MBTPS1: variants seen among roughly 807,000 people sequenced by gnomAD.
MBTPS1 encodes membrane bound transcription factor peptidase, site 1.
In MBTPS1, 94 loss-of-function variants were observed where a neutral mutation model predicts 127.8. The ratio of observed to expected loss-of-function variants is 0.74; its 90% CI spans 0.62 to 0.87. The LOEUF is 0.87. Ranked by LOEUF, MBTPS1 falls within the 40% of genes least tolerant of loss-of-function variation. MBTPS1 has a pLI of 0.00. For synonymous variants in MBTPS1, 632 were observed against 509.4 expected, an observed-to-expected ratio of 1.24 and a Z score of -3.24; for missense variants, 1,636 against 1,353.2, an observed-to-expected ratio of 1.21 and a Z score of -3.28.
At chr16:84,113,529 C>G (rs991665473) in intron 1 of MBTPS1, among the ~76,000 whole-genome samples, 4 of 152,190 alleles carry the variant, frequency 2.6e-5, no homozygotes, top group African/African-American at 7.2e-5. Context: ...GTATTACTTG[C>G]GCAAGCAACT....
At chr16:84,097,872 T>TGTGTGTGTGTGTG (rs1486515850) in intron 3 of MBTPS1, among the ~76,000 whole-genome samples, 9 of 92,324 alleles carry the variant, frequency 9.7e-5, no homozygotes, top group African/African-American at 3.0e-4. Flanking sequence ...GTGTGTGTGT[T>TGTGTGTGTGTGTG]TGTGTGTGTG....
At chr16:84,107,552 T>A (rs13333508) in intron 1 of MBTPS1, among the ~76,000 whole-genome samples, 1 of 152,132 alleles carries the variant, frequency 6.6e-6, no homozygotes, top group Non-Finnish European at 1.5e-5. Context: ...GAGGTTTCTA[T>A]AGTTTCCCAA....
chr16:84,095,863 C>G, intron 3 of MBTPS1, 58 bp from the exon 4 acceptor site: 2 of 1,434,274 alleles, frequency 1.4e-6, no homozygotes. Context: ...ACACGATACC[C>G]GCCAGGCAAA....
chr16:84,093,063 G>A, intron 6 of MBTPS1, 125 bp downstream of exon 6: 1 of 706,534 alleles, frequency 1.4e-6, no homozygotes, highest in South Asian at 1.7e-5. Flanking sequence ...CATGCGTGCT[G>A]CAGTATGAAT....
intron 8 of MBTPS1, among the ~76,000 whole-genome samples, chr16:84,090,487 G>A (rs557771200): frequency 5.9e-5 from 9 of 152,136 alleles, no homozygotes; most frequent in Non-Finnish European, 1.3e-4. Flanking sequence ...AACCTCTTCC[G>A]TTTGCCTCTT....
At chr16:84,095,181 G>A (rs536764264) in intron 4 of MBTPS1, among the ~76,000 whole-genome samples, 4 of 152,284 alleles carry the variant, frequency 2.6e-5, no homozygotes, top group South Asian at 4.1e-4. Context: ...ACTAATTTCC[G>A]TGGAATTGCC....
At chr16:84,107,537 A>T (rs1485013215) in intron 1 of MBTPS1, among the ~76,000 whole-genome samples, 1 of 152,218 alleles carries the variant, frequency 6.6e-6, no homozygotes, top group Admixed American at 6.5e-5. Flanking sequence ...ATGGCAACAG[A>T]TCCTGAGGTT....
At chr16:84,077,160 G>C (rs1188546403) in intron 11 of MBTPS1, among the ~76,000 whole-genome samples, 1 of 150,724 alleles carries the variant, frequency 6.6e-6, no homozygotes, top group Admixed American at 6.6e-5. Context: ...AGATGGCAGA[G>C]GTTACAGTGA....
At chr16:84,108,366 C>T (rs775219816) in intron 1 of MBTPS1, among the ~76,000 whole-genome samples, 11 of 152,124 alleles carry the variant, frequency 7.2e-5, no homozygotes, top group Admixed American at 1.3e-4. Context: ...CCAGCTGAAG[C>T]GATTCTCCTG....
chr16:84,064,432 T>C (rs947470373), intron 18 of MBTPS1, among the ~76,000 whole-genome samples: 3 of 152,170 alleles, frequency 2.0e-5, no homozygotes, highest in Non-Finnish European at 4.4e-5. Context: ...TAACCCAAAT[T>C]CCTATTTTCA....
chr16:84,079,972 C>A (rs1444144500), intron 11 of MBTPS1, among the ~76,000 whole-genome samples: 1 of 152,210 alleles, frequency 6.6e-6, no homozygotes, highest in African/African-American at 2.4e-5. Context: ...AGGCCATCAG[C>A]AAAGAGCTGC....
rs138475436 is a variant in MBTPS1 at position 84,101,793 on chromosome 16, C to G, written c.-10G>C. 90 of 1,599,666 alleles carry G rather than the reference C, an allele frequency of 5.6e-5. No homozygotes were observed. In the East Asian group the frequency reaches 2.0e-3, roughly 35 times the overall value. ...TGTTGACAAGCTTCATGGTCACAAGCGAATATGATCATAAAATTGCATATA... is the reference window on the plus strand; with the variant it reads ...TGTTGACAAGCTTCATGGTCACAAGGGAATATGATCATAAAATTGCATATA... On this transcript the variant is annotated 5_prime_UTR_variant, in exon 2 of 23. Coordinates refer to ENST00000343411, the MANE Select transcript of MBTPS1 (RefSeq NM_003791.4).
intron 4 of MBTPS1, among the ~76,000 whole-genome samples, chr16:84,094,115 C>A (rs1435317945): frequency 2.0e-5 from 3 of 152,056 alleles, no homozygotes; most frequent in Admixed American, 2.0e-4. Context: ...AGGATAGAAC[C>A]ACCCCTTCCA....
intron 3 of MBTPS1, among the ~76,000 whole-genome samples, chr16:84,098,505 G>C (rs1399744918): frequency 6.6e-6 from 1 of 150,414 alleles, no homozygotes; most frequent in East Asian, 1.9e-4. Context: ...AGCTACTTGG[G>C]AGGCTAAGGC....
intron 14 of MBTPS1, 127 bp from the exon 15 acceptor site, chr16:84,068,581 C>G: frequency 1.5e-6 from 1 of 663,290 alleles, no homozygotes; most frequent in Non-Finnish European, 2.7e-6. Flanking sequence ...GGATGGCTGG[C>G]CCACTGGCAC....
In MBTPS1 at chr16:84,091,767, C is replaced by G; in HGVS notation, c.928G>C (p.Gly310Arg). 1 of 1,614,044 alleles carries G rather than the reference C, an allele frequency of 6.2e-7. No homozygotes were observed. The highest frequency in any genetic ancestry group is 8.5e-7 in the Non-Finnish European group (1 of 1,179,986). The part of the protein sequence containing the change: ...KIDVLNLSIG[G>R]PDFMDHPFVD... ...AACGGATGATCCATGAAGTCCGGGC[C>G]GCCGATGCTGAGGTTTAACACGTCG... The change falls in exon 7 of 23, where the codon GGC (glycine) becomes CGC (arginine). Residue 310 changes from glycine (G) to arginine (R), a missense_variant. Transcript: ENST00000343411.
In MBTPS1 at chr16:84,091,725, C is replaced by T. The variant is rs771118281; in HGVS notation, c.963+7G>A. On this transcript the variant is annotated splice_region_variant and intron_variant, in intron 7 of 22. Coordinates refer to ENST00000343411, the MANE Select transcript of MBTPS1 (RefSeq NM_003791.4). Reference sequence around the variant, plus strand: ...ACCCAAACCCCGTGTGCAGTGACTCCACAAACCTTGTCAACAAACGGATGA... The same window carrying T: ...ACCCAAACCCCGTGTGCAGTGACTCTACAAACCTTGTCAACAAACGGATGA... The T allele has an allele frequency of 2.5e-6, 4 of 1,606,354 alleles. No homozygotes were observed. Among genetic ancestry groups the T allele is most frequent in the Non-Finnish European group, 3.4e-6 (4 of 1,173,076 alleles).
At chr16:84,056,498 C>A in intron 21 of MBTPS1, 1 of 183,206 alleles carries the variant, frequency 5.5e-6, no homozygotes, top group Non-Finnish European at 1.2e-5. Context: ...CTGAGTGGAC[C>A]TGAGCCTGGG....
intron 13 of MBTPS1, 129 bp from the exon 14 acceptor site, chr16:84,070,167 G>T (rs1045071252): frequency 2.6e-6 from 2 of 773,370 alleles, no homozygotes; most frequent in East Asian, 5.2e-5. Context: ...AATAACAAAT[G>T]TCTGATGAAA....
Sources: allele counts gnomAD v4.1 joint callset (sites outside exome capture counted in the v4.1 genomes callset), GRCh38; gene constraint gnomAD v4.1.1; transcripts MANE v1.5; gene names NCBI Gene and HGNC (gene_info 2026-07-23, HGNC 2026-07-21).